Variants in CRISPLD1 observed in about 807,000 individuals in gnomAD.
CRISPLD1 encodes the protein cysteine rich secretory protein LCCL domain containing 1.
Under a neutral mutation model 77.5 loss-of-function variants are expected in CRISPLD1, and 60 were observed. The ratio of observed to expected loss-of-function variants is 0.77; its 90% CI spans 0.63 to 0.96. The LOEUF is 0.96. CRISPLD1 is among the 40% of genes least tolerant of loss of function. The pLI, the probability that CRISPLD1 is intolerant of heterozygous loss-of-function variation, is 0.00. For synonymous variants in CRISPLD1, 195 were observed against 200.1 expected (o/e 0.97, Z 0.22); for missense variants, 623 against 615.8 (o/e 1.01, Z -0.12).
chr8:75,019,311 A>G (rs1248318368), intron 10 of CRISPLD1, among the ~76,000 whole-genome samples: 2 of 152,170 alleles, frequency 1.3e-5, no homozygotes, highest in Non-Finnish European at 2.9e-5. Context: ...TGTTATATAA[A>G]CCTATTAAAA....
chr8:75,006,959 A>C (rs559668532), intron 2 of CRISPLD1, among the ~76,000 whole-genome samples: 2 of 152,184 alleles, frequency 1.3e-5, no homozygotes, highest in Non-Finnish European at 2.9e-5. Context: ...AATGCAAAAC[A>C]TTTAACATTA....
At chr8:75,027,383 A>G (rs1342307999) in intron 13 of CRISPLD1, among the ~76,000 whole-genome samples, 1 of 152,240 alleles carries the variant, frequency 6.6e-6, no homozygotes, top group Non-Finnish European at 1.5e-5. Context: ...GAGATTTCCA[A>G]AGAAATCATA....
chr8:75,030,500 C>A (rs539031494), intron 14 of CRISPLD1, among the ~76,000 whole-genome samples: 1 of 152,054 alleles, frequency 6.6e-6, no homozygotes, highest in South Asian at 2.1e-4. Flanking sequence ...ATGTATGCCT[C>A]GTAATTCTTA....
chr8:75,002,905 T>A (rs1163824888), intron 2 of CRISPLD1, among the ~76,000 whole-genome samples: 1 of 152,216 alleles, frequency 6.6e-6, no homozygotes, highest in East Asian at 1.9e-4. Context: ...ATAAGGACTT[T>A]TGAAAACCAT....
rs577354308 is a variant in CRISPLD1 at position 74,988,805 on chromosome 8, A to T, written c.258+2560A>T. ...AGCTGAGATCACACCACTGCACTCC[A>T]CCCTGGGTGACAGCGAGACACTGCC... On this transcript the variant is annotated intron_variant, in intron 2 of 14. Transcript: ENST00000262207. Among the ~76,000 whole-genome samples the T allele has an allele frequency of 9.8e-5, 15 of 152,314 alleles. No homozygotes were observed. The South Asian group carries it at 2.9e-3, about 29-fold the overall frequency.
chr8:75,030,533 C>G (rs931785144), intron 14 of CRISPLD1, among the ~76,000 whole-genome samples: 1 of 151,958 alleles, frequency 6.6e-6, no homozygotes, highest in Non-Finnish European at 1.5e-5. Flanking sequence ...AACTATAAAA[C>G]GATAGGTGAT....
At chr8:75,000,006 C>A in intron 2 of CRISPLD1, 1 of 291,390 alleles carries the variant, frequency 3.4e-6, no homozygotes, top group African/African-American at 2.3e-5. Context: ...AGTAGAATTT[C>A]AGTTGAGTAA....
chr8:74,991,377 G>A (rs1362433777), intron 2 of CRISPLD1, among the ~76,000 whole-genome samples: 1 of 152,056 alleles, frequency 6.6e-6, no homozygotes, highest in Non-Finnish European at 1.5e-5. Context: ...ATCTGCGCTG[G>A]TTGCTTAGTT....
chr8:75,021,349 A>G (rs1018068873), intron 12 of CRISPLD1, among the ~76,000 whole-genome samples: 4 of 152,210 alleles, frequency 2.6e-5, no homozygotes, highest in Admixed American at 1.3e-4. Context: ...GTCCTCACAT[A>G]CAAATAGCCT....
chr8:75,029,596 T>G, intron 14 of CRISPLD1, 79 bp downstream of exon 14: 1 of 1,428,222 alleles, frequency 7.0e-7, no homozygotes, highest in Non-Finnish European at 9.6e-7. Context: ...GTTGACCCAC[T>G]TGAATATTTT....
At position 75,013,410 on chromosome 8, in the gene CRISPLD1, A is replaced by G. The variant is rs553790882; in HGVS notation, c.510+388A>G. Among the ~76,000 whole-genome samples, 11 of 152,152 alleles carry G rather than the reference A, an allele frequency of 7.2e-5. No individual in the cohort carries two copies. The South Asian group carries it at 2.3e-3, about 32-fold the overall frequency. ...ATATATATATTTATATTTCGTGTTC[A>G]CAATTGGTATGTTCTAAACTTCCAA... On this transcript the variant is annotated intron_variant, in intron 4 of 14. Transcript: ENST00000262207.
intron 10 of CRISPLD1, among the ~76,000 whole-genome samples, chr8:75,019,109 T>C (rs1484755421): frequency 1.3e-5 from 2 of 152,178 alleles, no homozygotes; most frequent in East Asian, 3.9e-4. Context: ...TTTAATAGAT[T>C]GTATATTTTA....
chr8:74,993,992 G>A (rs144692592), intron 2 of CRISPLD1, among the ~76,000 whole-genome samples: 3 of 152,330 alleles, frequency 2.0e-5, no homozygotes, highest in East Asian at 1.9e-4. Context: ...GCAGATCATC[G>A]TAAAGACTTT....
In CRISPLD1 at chr8:74,999,775, CT is replaced by C. The variant is rs112068678; in HGVS notation, c.259-12645del. On this transcript the variant is annotated intron_variant, in intron 2 of 14. Transcript: ENST00000262207. ...GGAAAATGAAATTTCTTTTTCTTTT[CT>C]TTTTTTTTTTTTACAAAGTACTTAT... Among the ~76,000 whole-genome samples the C allele has an allele frequency of 3.6e-3, 498 of 138,496 alleles. 1 individual carries two copies. The highest frequency in any genetic ancestry group is 8.0e-3 in the African/African-American group (304 of 37,842). The allele number at this position is 138,496 out of a possible 152,430, so 90.9% of individuals were successfully genotyped here.
chr8:75,013,450 G>A (rs1006392754), intron 4 of CRISPLD1, among the ~76,000 whole-genome samples: 8 of 151,984 alleles, frequency 5.3e-5, no homozygotes, highest in African/African-American at 1.9e-4. Context: ...AACAACTAAA[G>A]GCAGATTGAT....
At chr8:75,018,186 G>A (rs1813068963) in intron 10 of CRISPLD1, among the ~76,000 whole-genome samples, 1 of 152,024 alleles carries the variant, frequency 6.6e-6, no homozygotes, top group Admixed American at 6.6e-5. Flanking sequence ...ACTTCACAGT[G>A]GGGTTAAGTT....
chr8:75,016,835 C>T (rs762414401), intron 7 of CRISPLD1, 46 bp from the exon 8 acceptor site: 1 of 1,521,750 alleles, frequency 6.6e-7, no homozygotes, highest in Non-Finnish European at 8.9e-7. Flanking sequence ...TGAACTACAA[C>T]TGCTTTTATA....
intron 1 of CRISPLD1, among the ~76,000 whole-genome samples, chr8:74,985,221 A>T (rs572663276): frequency 6.6e-6 from 1 of 152,198 alleles, no homozygotes; most frequent in Admixed American, 6.5e-5. Flanking sequence ...GTTGCCGGGG[A>T]GCTGCTGGCT....
At chr8:75,005,562 A>C (rs1812814764) in intron 2 of CRISPLD1, among the ~76,000 whole-genome samples, 1 of 152,086 alleles carries the variant, frequency 6.6e-6, no homozygotes, top group Non-Finnish European at 1.5e-5. Context: ...CAGAACACAC[A>C]GCACTAAAGA....
Sources: gnomAD v4.1 joint callset for allele counts (sites outside exome capture counted in the v4.1 genomes callset) on GRCh38, gnomAD v4.1.1 for gene constraint, MANE v1.5 for transcripts, NCBI Gene and HGNC (gene_info 2026-07-23, HGNC 2026-07-21) for gene names.